Variants in DPYSL5 observed in about 807,000 individuals in gnomAD.
DPYSL5 encodes dihydropyrimidinase like 5.
Under a neutral mutation model 58.4 loss-of-function variants are expected in DPYSL5, and 9 were observed. The observed-to-expected ratio is 0.15, with a 90% CI of 0.09 to 0.27. The LOEUF is 0.27. Ranked by LOEUF, DPYSL5 falls within the 10% of genes least tolerant of loss-of-function variation. The pLI is 1.00. For missense variants in DPYSL5, 499 were observed against 770.6 expected (o/e 0.65, Z 4.17); for synonymous variants, 293 against 301.9 (o/e 0.97, Z 0.31).
chr2:26,944,562 T>A lies in DPYSL5; in HGVS notation c.1441-94T>A. On this transcript the variant is annotated intron_variant, in intron 11 of 12. Coordinates refer to ENST00000288699, the MANE Select transcript of DPYSL5 (RefSeq NM_020134.4). The surrounding 1 kb of genome is among the most constrained non-coding windows in gnomAD (Gnocchi z 4.4). ...GGGTCTTGGGCAGAGTGGCAGTGTC[T>A]AATGTCCCACCGGCCCCCAGGGAGG... The A allele has an allele frequency of 7.0e-7, 1 of 1,428,654 alleles. No individual in the cohort carries two copies. The highest frequency in any genetic ancestry group is 9.6e-7 in the Non-Finnish European group (1 of 1,044,432). 88.5% of individuals were successfully genotyped at this position (1,428,654 alleles called of 1,614,324 possible).
rs1390043596 is a variant in DPYSL5 at position 26,927,895 on chromosome 2, C to A, written c.601-360C>A. Among the ~76,000 whole-genome samples, 1 of 152,288 alleles carries A rather than the reference C, an allele frequency of 6.6e-6. No individual in the cohort carries two copies. The highest frequency in any genetic ancestry group is 3.4e-3 in the Middle Eastern group (1 of 294). ...GGTCTTGGGGTAAGGGCTAGCCTAG[C>A]AGTTGCTGGAAGCTAGAGCTTAGTC... On this transcript the variant is annotated intron_variant, in intron 4 of 12. Transcript: ENST00000288699. The surrounding 1 kb of genome is among the most constrained non-coding windows in gnomAD (Gnocchi z 4.3).
In DPYSL5 at chr2:26,892,843, C is replaced by T. The variant is rs568186469; in HGVS notation, c.-4-5653C>T. Among the ~76,000 whole-genome samples, 3 of 150,868 alleles carry T rather than the reference C, an allele frequency of 2.0e-5. No individual in the cohort carries two copies. The South Asian group carries it at 6.3e-4, about 32-fold the overall frequency. ...CCTGTGGCCAGAGTGGCTCTATCCA[C>T]CACCTAAGAACCAAAGCCATTTTCT... On this transcript the variant is annotated intron_variant, in intron 1 of 12. Transcript: ENST00000288699.
chr2:26,925,030 C>T lies in DPYSL5; in HGVS notation c.405C>T (p.Thr135=). 6.2e-7 allele frequency: 1 copy of T among 1,614,078 alleles called. No homozygotes were observed. Among genetic ancestry groups the T allele is most frequent in the Non-Finnish European group, 8.5e-7 (1 of 1,179,992 alleles). Residue 135 remains threonine (T), a synonymous_variant, in exon 3 of 13, where the codon ACC becomes ACT. Transcript: ENST00000288699. The surrounding 1 kb of genome is among the most constrained non-coding windows in gnomAD (Gnocchi z 4.5). ...CCDYALHVGI[T]WWAPKVKAEM... is the part of the protein sequence containing the mutation. ...ATTACGCCCTCCACGTGGGGATCAC[C>T]TGGTGGGCACCCAAGGTAACAGTGC...
rs1051702634 is a variant in DPYSL5, at chr2:26,934,316, G to A, written c.791-262G>A. ...GCACACACCAGTGCTCTGGTCATCT[G>A]GCCAAACCAGACTCCTCAAAGTGCC... On this transcript the variant is annotated intron_variant, in intron 7 of 12. Transcript: ENST00000288699. The surrounding 1 kb of genome is among the most constrained non-coding windows in gnomAD (Gnocchi z 4.3). Among the ~76,000 whole-genome samples, 1 of 152,122 alleles carries A rather than the reference G, an allele frequency of 6.6e-6. No homozygotes were observed. Among genetic ancestry groups the A allele is most frequent in the Non-Finnish European group, 1.5e-5 (1 of 68,018 alleles).
chr2:26,868,013 G>A (rs991789465), intron 1 of DPYSL5, among the ~76,000 whole-genome samples: 17 of 152,186 alleles, frequency 1.1e-4, no homozygotes, highest in African/African-American at 3.6e-4. Flanking sequence ...ACCTGCCAAT[G>A]ACAAGGTATC....
chr2:26,944,749 G>A lies in DPYSL5; in HGVS notation c.1534G>A (p.Ala512Thr), dbSNP rs41288789. 0.043 allele frequency: 69,587 copies of A among 1,614,062 alleles called. 1,711 individuals carry two copies. Among genetic ancestry groups the A allele is most frequent in the Middle Eastern group, 0.061 (367 of 6,060 alleles). The change falls in exon 12 of 13, where the codon GCA (alanine) becomes ACA (threonine). Residue 512 changes from alanine to threonine, a missense_variant. By Grantham distance (58) the Ala-to-Thr change is moderately conservative. This residue lies in a region of DPYSL5 where 62 missense variants were observed against 59.2 expected (regional missense o/e 1.05). Coordinates refer to ENST00000288699, the MANE Select transcript of DPYSL5 (RefSeq NM_020134.4). This position sits in a 1 kb window ranked among gnomAD's most constrained non-coding sequence, Gnocchi z 4.4. ...GAAAAAAGAGATGGGAACCCCACTCGCAGACACTCCTACCCGGCCCGTCAC... is the reference window on the plus strand; with the variant it reads ...GAAAAAAGAGATGGGAACCCCACTCACAGACACTCCTACCCGGCCCGTCAC... ...PGKKEMGTPL[A>T]DTPTRPVTRH...
chr2:26,878,993 C>T (rs1465011176), intron 1 of DPYSL5, among the ~76,000 whole-genome samples: 1 of 152,224 alleles, frequency 6.6e-6, no homozygotes, highest in East Asian at 1.9e-4. Context: ...GCCCTTCCAG[C>T]TCCTTGTCTC....
At chr2:26,869,547 C>T (rs1292135285) in intron 1 of DPYSL5, among the ~76,000 whole-genome samples, 1 of 152,064 alleles carries the variant, frequency 6.6e-6, no homozygotes, top group Non-Finnish European at 1.5e-5. Context: ...TCCCTTTCTG[C>T]GTCATTCTTA....
At chr2:26,931,203 G>GTGTGTATGTATATATA (rs1474347605) in intron 5 of DPYSL5, among the ~76,000 whole-genome samples, 1 of 44,910 alleles carries the variant, frequency 2.2e-5, no homozygotes, top group African/African-American at 8.1e-5. Flanking sequence ...GTGTGTGTGT[G>GTGTGTATGTATATATA]TATATATATA....
chr2:26,891,252 A>C (rs1478150304), intron 1 of DPYSL5, among the ~76,000 whole-genome samples: 1 of 152,226 alleles, frequency 6.6e-6, no homozygotes, highest in Admixed American at 6.5e-5. Flanking sequence ...CCCAGTATAT[A>C]GTCAGTGTCT....
intron 2 of DPYSL5, among the ~76,000 whole-genome samples, chr2:26,902,918 A>AT (rs1664194391): frequency 6.6e-6 from 1 of 152,290 alleles, no homozygotes; most frequent in South Asian, 2.1e-4. Context: ...AACATCAGGA[A>AT]GTCACCCTAG....
chr2:26,870,774 A>G (rs745781435), intron 1 of DPYSL5, among the ~76,000 whole-genome samples: 7 of 151,910 alleles, frequency 4.6e-5, no homozygotes, highest in Non-Finnish European at 7.4e-5. Context: ...TTTTTTGACA[A>G]CTCTTGATGG....
At chr2:26,916,813 A>G (rs1297702067) in intron 2 of DPYSL5, among the ~76,000 whole-genome samples, 1 of 152,128 alleles carries the variant, frequency 6.6e-6, no homozygotes, top group African/African-American at 2.4e-5. Context: ...TTTTGAAGTC[A>G]TTTCTGTTAA....
chr2:26,912,185 T>C (rs538394790), intron 2 of DPYSL5, among the ~76,000 whole-genome samples: 2 of 152,340 alleles, frequency 1.3e-5, no homozygotes, highest in African/African-American at 4.8e-5. Flanking sequence ...GCAGATCTTA[T>C]CATCCTTCCT....
In DPYSL5 at chr2:26,950,032, G is replaced by C. The variant is rs1665596846; in HGVS notation, c.*3037G>C. 6.6e-6 allele frequency: 1 copy of C among 152,292 alleles called. No individual in the cohort carries two copies. Among genetic ancestry groups the C allele is most frequent in the African/African-American group, 2.4e-5 (1 of 41,444 alleles). 9.4% of individuals were successfully genotyped at this position (152,292 alleles called of 1,614,324 possible). On this transcript the variant is annotated 3_prime_UTR_variant, in exon 13 of 13. Transcript: ENST00000288699. This position sits in a 1 kb window ranked among gnomAD's most constrained non-coding sequence, Gnocchi z 5.3. ...TGTGCGTGCGTGTGTGTAGTGCTAG[G>C]AGTCCACAGTAGGTCTCTGTCAAGC...
Position 26,927,382 on chromosome 2 carries a change from A to G in DPYSL5, c.550A>G (p.Ile184Val). The change falls in exon 4 of 13, where the codon ATT (isoleucine) becomes GTT (valine). Residue 184 changes from isoleucine (I) to valine (V), a missense_variant. Transcript: ENST00000288699. The surrounding 1 kb of genome is among the most constrained non-coding windows in gnomAD (Gnocchi z 4.3). Reference protein sequence around the residue: ...LYQVLHACKDIGAIARVHAEN... With the variant: ...LYQVLHACKDVGAIARVHAEN... The stretch of plus-strand genomic sequence containing the variant: ...CCAAGTGTTGCACGCTTGCAAGGAC[A>G]TTGGGGCAATCGCCCGCGTCCATGC... 6.2e-7 allele frequency: 1 copy of G among 1,614,244 alleles called. No individual in the cohort carries two copies. The highest frequency in any genetic ancestry group is 1.3e-5 in the African/African-American group (1 of 75,070).
chr2:26,886,881 G>C (rs1663733007), intron 1 of DPYSL5, among the ~76,000 whole-genome samples: 1 of 152,122 alleles, frequency 6.6e-6, no homozygotes, highest in Admixed American at 6.5e-5. Flanking sequence ...TCTCTCCTTT[G>C]TGCTGATCAG....
intron 1 of DPYSL5, among the ~76,000 whole-genome samples, chr2:26,853,147 C>T (rs1433002248): frequency 6.6e-6 from 1 of 152,146 alleles, no homozygotes; most frequent in Non-Finnish European, 1.5e-5. Context: ...CAGCTGAGAA[C>T]TTGGAGAATT....
rs141223251 is a variant in DPYSL5 at position 26,934,657 on chromosome 2, C to T, written c.870C>T (p.His290=). 39 of 1,614,066 alleles carry T rather than the reference C, an allele frequency of 2.4e-5. No homozygotes were observed. The highest frequency in any genetic ancestry group is 1.7e-4 in the African/African-American group (13 of 74,926). The change falls in exon 8 of 13, where the codon CAC becomes CAT. Residue 290 remains histidine (H), a synonymous_variant. Coordinates refer to ENST00000288699, the MANE Select transcript of DPYSL5 (RefSeq NM_020134.4). The surrounding 1 kb of genome is among the most constrained non-coding windows in gnomAD (Gnocchi z 4.3). ...GLHYYHQDWS[H]AAAYVTVPPL... Reference sequence around the variant, plus strand: ...ACTACTACCACCAGGACTGGTCCCACGCGGCTGCCTATGTCACGGTGCCTC... The same window carrying T: ...ACTACTACCACCAGGACTGGTCCCATGCGGCTGCCTATGTCACGGTGCCTC...
Sources: allele counts gnomAD v4.1 joint callset (sites outside exome capture counted in the v4.1 genomes callset), GRCh38; gene constraint gnomAD v4.1.1; regional missense constraint gnomAD v4.1.1; non-coding constraint Gnocchi (gnomAD v3.1); transcripts MANE v1.5; gene names NCBI Gene and HGNC (gene_info 2026-07-23, HGNC 2026-07-21).